The following TNFRSF18 variants were observed in gnomAD, a reference collection of about 807,000 sequenced individuals.
TNFRSF18 encodes TNF receptor superfamily member 18, also known as tumor necrosis factor receptor superfamily member 18.
In TNFRSF18, 36 loss-of-function variants were observed where a neutral mutation model predicts 30.2. The observed-to-expected ratio is 1.19, with a 90% CI of 0.91 to 1.58. TNFRSF18 has a LOEUF of 1.58. Among genes scored for constraint, TNFRSF18 ranks in the 40% most tolerant of loss-of-function variants. The pLI, the probability that TNFRSF18 is intolerant of heterozygous loss-of-function variation, is 0.00. For missense variants in TNFRSF18, 369 were observed against 345.4 expected (o/e 1.07, Z -0.54); for synonymous variants, 173 against 158.3 (o/e 1.09, Z -0.70).
In TNFRSF18 at chr1:1,205,508, G is replaced by T. The variant is rs372057221; in HGVS notation, c.188-16C>A. 6.2e-7 allele frequency: 1 copy of T among 1,607,534 alleles called. No homozygotes were observed. Among genetic ancestry groups the T allele is most frequent in the Non-Finnish European group, 8.5e-7 (1 of 1,176,636 alleles). On this transcript the variant is annotated splice_polypyrimidine_tract_variant and intron_variant, in intron 1 of 4. Transcript: ENST00000379268. ...CACTCCTCGCCTGGGCAGGAGACAG[G>T]CCAGCCCCCCAGCAGCTGGGCTGAG...
chr1:1,204,316 T>A (rs1430034799), intron 3 of TNFRSF18, 80 bp from the exon 4 acceptor site: 9 of 1,593,472 alleles, frequency 5.6e-6, no homozygotes, highest in Non-Finnish European at 7.7e-6. Flanking sequence ...CTCCGTGCTG[T>A]CTGGGGCAAG....
At chr1:1,204,589 T>G in intron 2 of TNFRSF18, 103 bp from the exon 3 acceptor site, 2 of 855,410 alleles carry the variant, frequency 2.3e-6, no homozygotes, top group Non-Finnish European at 3.9e-6. Flanking sequence ...GGGGTCTGGG[T>G]GCTGAGTAGA....
rs763692300 is a variant in TNFRSF18 at position 1,206,576 on chromosome 1, G to C, written c.-5C>G. ...CATCGCCCCGTGCTGTGCCATGCTC[G>C]GGTTTCAAGAGCCCACAGCCAGTTG... On this transcript the variant is annotated 5_prime_UTR_variant, in exon 1 of 5. Coordinates refer to ENST00000379268, the MANE Select transcript of TNFRSF18 (RefSeq NM_004195.3). 2 of 1,486,884 alleles carry C rather than the reference G, an allele frequency of 1.3e-6. No homozygotes were observed. The highest frequency in any genetic ancestry group is 2.6e-5 in the East Asian group (1 of 39,036). 92.1% of individuals were successfully genotyped at this position (1,486,884 alleles called of 1,614,324 possible).
rs1248332148 is a variant in TNFRSF18, at chr1:1,206,458, G to A, written c.114C>T (p.Arg38=). Residue 38 remains arginine (R), a synonymous_variant, in exon 1 of 5, where the codon CGC becomes CGT. Coordinates refer to ENST00000379268, the MANE Select transcript of TNFRSF18 (RefSeq NM_004195.3). ...PTGGPGCGPG[R]LLLGTGTDAR... is the part of the protein sequence containing the mutation. ...CGTCCGTTCCCGTCCCAAGCAGGAG[G>A]CGCCCAGGGCCGCACCCGGGACCCC... 3 of 1,546,886 alleles carry A rather than the reference G, an allele frequency of 1.9e-6. No individual in the cohort carries two copies. The highest frequency in any genetic ancestry group is 4.9e-5 in the East Asian group (2 of 40,796).
Position 1,203,953 on chromosome 1 carries a change from A to T in TNFRSF18, c.617T>A (p.Leu206Gln). ...CMWPRETQLLLEVPPSTEDAR... is the reference protein window; with the variant it reads ...CMWPRETQLLQEVPPSTEDAR... ...GTCTTCGGTCGACGGCGGCACCTCC[A>T]GCAGCAGCTGGGTCTCTGCAGGGGG... is the stretch of plus-strand genomic sequence containing the variant. The change falls in exon 5 of 5, where the codon CTG (leucine) becomes CAG (glutamine). Residue 206 changes from leucine (L) to glutamine (Q), a missense_variant. Coordinates refer to ENST00000379268, the MANE Select transcript of TNFRSF18 (RefSeq NM_004195.3). The T allele has an allele frequency of 6.2e-7, 1 of 1,607,226 alleles. No individual in the cohort carries two copies. The highest frequency in any genetic ancestry group is 8.5e-7 in the Non-Finnish European group (1 of 1,178,728).
intron 1 of TNFRSF18, 158 bp from the exon 2 acceptor site, chr1:1,205,650 T>G: frequency 2.3e-5 from 17 of 743,924 alleles, no homozygotes; most frequent in Admixed American, 2.9e-5. Flanking sequence ...GACCCTGGGT[T>G]TATCCAGCTG....
chr1:1,205,309 C>T, intron 2 of TNFRSF18, 61 bp downstream of exon 2: 1 of 1,574,514 alleles, frequency 6.4e-7, no homozygotes, highest in South Asian at 1.2e-5. Flanking sequence ...ACGAGCTCTG[C>T]CTCGGGCCCT....
chr1:1,206,028 G>A (rs1021940140), intron 1 of TNFRSF18, among the ~76,000 whole-genome samples: 2 of 152,218 alleles, frequency 1.3e-5, no homozygotes, highest in South Asian at 4.1e-4. Context: ...CCAGACGGTG[G>A]TGCAGGGGGG....
chr1:1,206,503 G>A lies in TNFRSF18; in HGVS notation c.69C>T (p.Ser23=). 1 of 1,544,992 alleles carries A rather than the reference G, an allele frequency of 6.5e-7. No homozygotes were observed. The highest frequency in any genetic ancestry group is 1.2e-5 in the South Asian group (1 of 83,836). Residue 23 remains serine (S), a synonymous_variant, in exon 1 of 5, where the codon AGC becomes AGT. Coordinates refer to ENST00000379268, the MANE Select transcript of TNFRSF18 (RefSeq NM_004195.3). ...GACCCCCGGTGGGGCGCTGACCCAG[G>A]CTGAGCGCGCACAGCAGCGCCAGGC... ...LCGLALLCAL[S]LGQRPTGGPG... is the part of the protein sequence containing the mutation.
chr1:1,206,295 G>A (rs557638868), intron 1 of TNFRSF18, 90 bp downstream of exon 1: 11 of 1,438,558 alleles, frequency 7.6e-6, no homozygotes, highest in African/African-American at 2.9e-5. Flanking sequence ...CAGCAACGCC[G>A]GTCTGAGCAC....
chr1:1,205,103 C>G (rs1053661028), intron 2 of TNFRSF18, among the ~76,000 whole-genome samples: 12 of 152,186 alleles, frequency 7.9e-5, no homozygotes, highest in Non-Finnish European at 1.6e-4. Flanking sequence ...AGCCAGACAG[C>G]TCCTGGAACC....
Position 1,206,521 on chromosome 1 carries a change from C to T in TNFRSF18, c.51G>A (p.Ala17=), listed in dbSNP as rs745810363. The T allele has an allele frequency of 1.3e-4, 194 of 1,538,040 alleles. No individual in the cohort carries two copies. The highest frequency in any genetic ancestry group is 1.6e-4 in the Non-Finnish European group (185 of 1,143,052). The change falls in exon 1 of 5, where the codon GCG becomes GCA. Residue 17 remains alanine, a synonymous_variant. Coordinates refer to ENST00000379268, the MANE Select transcript of TNFRSF18 (RefSeq NM_004195.3). ...GACCCAGGCTGAGCGCGCACAGCAG[C>T]GCCAGGCCGCACAGGGCCCGAAACG... ...MGAFRALCGL[A]LLCALSLGQR... is the part of the protein sequence containing the mutation.
rs539373879 is a variant in TNFRSF18 at position 1,205,698 on chromosome 1, C to A, written c.188-206G>T. The A allele has an allele frequency of 8.5e-6, 5 of 591,462 alleles. No homozygotes were observed. The East Asian group carries it at 1.2e-4, about 14-fold the overall frequency. The allele number at this position is 591,462 out of a possible 1,614,324, so 36.6% of individuals were successfully genotyped here. ...GGGGCCATGTGGCCTGGCTACTCCC[C>A]CTTTGCGCCCCACAGCTGCCCCTGC... On this transcript the variant is annotated intron_variant, in intron 1 of 4. Coordinates refer to ENST00000379268, the MANE Select transcript of TNFRSF18 (RefSeq NM_004195.3).
At chr1:1,204,529 A>G (rs1289096281) in intron 2 of TNFRSF18, 43 bp from the exon 3 acceptor site, 2 of 1,474,672 alleles carry the variant, frequency 1.4e-6, no homozygotes, top group Non-Finnish European at 1.9e-6. Context: ...AGGCTGGTGG[A>G]GTTGCTGGGA....
Position 1,206,449 on chromosome 1 carries a change from A to G in TNFRSF18, c.123T>C (p.Leu41=). Residue 41 remains leucine (L), a synonymous_variant, in exon 1 of 5, where the codon CTT becomes CTC. Coordinates refer to ENST00000379268, the MANE Select transcript of TNFRSF18 (RefSeq NM_004195.3). ...GPGCGPGRLL[L]GTGTDARCCR... is the part of the protein sequence containing the mutation. Reference sequence around the variant, plus strand: ...AGCAGCGCGCGTCCGTTCCCGTCCCAAGCAGGAGGCGCCCAGGGCCGCACC... The same window carrying G: ...AGCAGCGCGCGTCCGTTCCCGTCCCGAGCAGGAGGCGCCCAGGGCCGCACC... 1 of 1,547,310 alleles carries G rather than the reference A, an allele frequency of 6.5e-7. No individual in the cohort carries two copies. The highest frequency in any genetic ancestry group is 8.7e-7 in the Non-Finnish European group (1 of 1,146,172).
chr1:1,205,773 G>C, intron 1 of TNFRSF18: 2 of 459,464 alleles, frequency 4.4e-6, no homozygotes, highest in South Asian at 2.3e-5. Flanking sequence ...CAGGACCCAG[G>C]GGTGGCCCCC....
At chr1:1,205,981 C>T (rs999472913) in intron 1 of TNFRSF18, among the ~76,000 whole-genome samples, 18 of 152,228 alleles carry the variant, frequency 1.2e-4, no homozygotes, top group African/African-American at 3.9e-4. Flanking sequence ...TCAGCTGAAC[C>T]CTCATCCCCA....
chr1:1,203,691 G>A lies in TNFRSF18; in HGVS notation c.*153C>T, dbSNP rs1306609063. On this transcript the variant is annotated 3_prime_UTR_variant, in exon 5 of 5. Transcript: ENST00000379268. Reference sequence around the variant, plus strand: ...CCCAGCCGCGGCCGCCGAACTGCATGGTCCAGGGCGCTGGTCACTGCCACC... The same window carrying A: ...CCCAGCCGCGGCCGCCGAACTGCATAGTCCAGGGCGCTGGTCACTGCCACC... 1 of 1,554,148 alleles carries A rather than the reference G, an allele frequency of 6.4e-7. No individual in the cohort carries two copies. The highest frequency in any genetic ancestry group is 1.8e-5 in the Admixed American group (1 of 54,222).
At chr1:1,206,301 A>G in intron 1 of TNFRSF18, 84 bp downstream of exon 1, 1 of 1,471,278 alleles carries the variant, frequency 6.8e-7, no homozygotes, top group Non-Finnish European at 9.2e-7. Context: ...CGCCGGTCTG[A>G]GCACGGGAAG....
Sources: gnomAD v4.1 joint callset for allele counts (sites outside exome capture counted in the v4.1 genomes callset) on GRCh38, gnomAD v4.1.1 for gene constraint, MANE v1.5 for transcripts, NCBI Gene and HGNC (gene_info 2026-07-23, HGNC 2026-07-21) for gene names.